The following CASKIN1 variants were observed in gnomAD, a reference collection of about 807,000 sequenced individuals.
CASKIN1 encodes the protein CASK interacting protein 1, also known as caskin-1.
Under a neutral mutation model 117.5 loss-of-function variants are expected in CASKIN1, and 42 were observed. That is an observed-to-expected ratio of 0.36 (90% CI 0.28 to 0.46). The LOEUF is 0.46. Among genes scored for constraint, CASKIN1 ranks in the 20% least tolerant of loss-of-function variants. The pLI, the probability that CASKIN1 is intolerant of heterozygous loss-of-function variation, is 1.00. For synonymous variants in CASKIN1, 1,148 were observed against 961.7 expected (o/e 1.19, Z -3.59); for missense variants, 2,083 against 2,077.3 (o/e 1.00, Z -0.05).
chr16:2,181,956 A>G, intron 16 of CASKIN1, 27 bp from the exon 17 acceptor site: 3 of 1,609,788 alleles, frequency 1.9e-6, no homozygotes, highest in Non-Finnish European at 2.5e-6. Context: ...CAGAGGAGCC[A>G]CCTGGGCTGG....
Position 2,190,311 on chromosome 16 carries a change from C to T in CASKIN1, c.142G>A (p.Asp48Asn). The T allele has an allele frequency of 1.3e-6, 2 of 1,576,266 alleles. No homozygotes were observed. The highest frequency in any genetic ancestry group is 1.7e-6 in the Non-Finnish European group (2 of 1,160,176). Residue 48 changes from aspartate (D) to asparagine (N), a missense_variant, in exon 2 of 20, where the codon GAT (aspartate) becomes AAT (asparagine). Coordinates refer to ENST00000343516, the MANE Select transcript of CASKIN1 (RefSeq NM_020764.4). ...KKINVNFQDP[D>N]GFSALHHAAL... ...ACCACCCGGCTCAGAACTCACCCATCCGGGTCCTGGAAGTTGACATTGATC... is the reference window on the plus strand; with the variant it reads ...ACCACCCGGCTCAGAACTCACCCATTCGGGTCCTGGAAGTTGACATTGATC...
rs115022524 is a variant in CASKIN1, at chr16:2,177,871, C to T, written c.*679G>A. ...GAGCCCCCGGCAGAGCACCCGCCCCCGGGCCCCAGCCTTCCACCTGTGCTA... is the reference window on the plus strand; with the variant it reads ...GAGCCCCCGGCAGAGCACCCGCCCCTGGGCCCCAGCCTTCCACCTGTGCTA... On this transcript the variant is annotated 3_prime_UTR_variant, in exon 20 of 20. Transcript: ENST00000343516. The T allele has an allele frequency of 3.1e-5, 9 of 288,516 alleles. No individual in the cohort carries two copies. The highest frequency in any genetic ancestry group is 1.3e-4 in the African/African-American group (6 of 45,292). The allele number at this position is 288,516 out of a possible 1,614,324, so 17.9% of individuals were successfully genotyped here.
At chr16:2,189,699 G>A in intron 3 of CASKIN1, 135 bp from the exon 4 acceptor site, 2 of 867,768 alleles carry the variant, frequency 2.3e-6, no homozygotes, top group Non-Finnish European at 1.7e-6. Context: ...GCTGACTTCT[G>A]ACACCAAGCC....
chr16:2,182,566 G>C lies in CASKIN1; in HGVS notation c.1630-637C>G, dbSNP rs1003068508. Among the ~76,000 whole-genome samples the C allele has an allele frequency of 3.3e-5, 5 of 152,224 alleles. No individual in the cohort carries two copies. The highest frequency in any genetic ancestry group is 1.2e-4 in the African/African-American group (5 of 41,450). ...CCCCAGGTGCGCGGCAAGGCCCGTG[G>C]GACCCGGACCTGACCCCTAGGAGGA... On this transcript the variant is annotated intron_variant, in intron 16 of 19. Coordinates refer to ENST00000343516, the MANE Select transcript of CASKIN1 (RefSeq NM_020764.4). This position sits in a 1 kb window ranked among gnomAD's most constrained non-coding sequence, Gnocchi z 4.1.
rs772860113 is a variant in CASKIN1 at position 2,181,320 on chromosome 16, G to A, written c.2048C>T (p.Pro683Leu). 1.1e-5 allele frequency: 18 copies of A among 1,605,368 alleles called. No individual in the cohort carries two copies. Among genetic ancestry groups the A allele is most frequent in the South Asian group, 3.3e-5 (3 of 90,630 alleles). Residue 683 changes from proline to leucine, a missense_variant, in exon 18 of 20, where the codon CCA becomes CTA. This residue lies in a region of CASKIN1 where 1,818 missense variants were observed against 1,688.9 expected (regional missense o/e 1.08). Coordinates refer to ENST00000343516, the MANE Select transcript of CASKIN1 (RefSeq NM_020764.4). ...PTTEKPSSHLPPTPRATTRQD... is the reference protein window; with the variant it reads ...PTTEKPSSHLLPTPRATTRQD... Reference sequence around the variant, plus strand: ...CCGCGTGGTGGCCCTCGGGGTGGGTGGCAGGTGGCTGGAGGGCTTCTCAGT... The same window carrying A: ...CCGCGTGGTGGCCCTCGGGGTGGGTAGCAGGTGGCTGGAGGGCTTCTCAGT...
chr16:2,179,187 CGCGCGG>C lies in CASKIN1; in HGVS notation c.3908_3913del (p.Pro1303_Ala1304del). ...CTTGGCGAGGGCGGCGGGCGGCTGT[CGCGCGG>C]GCGAGGGTGCGGGTGAAGGGCCGGC... On this transcript the variant is annotated inframe_deletion, in exon 19 of 20. Transcript: ENST00000343516. This position sits in a 1 kb window ranked among gnomAD's most constrained non-coding sequence, Gnocchi z 5.8. 8.8e-7 allele frequency: 1 copy of C among 1,133,474 alleles called. No homozygotes were observed. The highest frequency in any genetic ancestry group is 1.1e-6 in the Non-Finnish European group (1 of 925,040). 70.2% of individuals were successfully genotyped at this position (1,133,474 alleles called of 1,614,324 possible).
Position 2,178,333 on chromosome 16 carries a change from G to A in CASKIN1, c.*217C>T, listed in dbSNP as rs1018807337. 1.5e-4 allele frequency: 66 copies of A among 449,544 alleles called. No homozygotes were observed. The highest frequency in any genetic ancestry group is 1.4e-3 in the African/African-American group (65 of 47,088). 27.8% of individuals were successfully genotyped at this position (449,544 alleles called of 1,614,324 possible). On this transcript the variant is annotated 3_prime_UTR_variant, in exon 20 of 20. Coordinates refer to ENST00000343516, the MANE Select transcript of CASKIN1 (RefSeq NM_020764.4). ...AGGTATTGCACGGGGAGCAGCAGGT[G>A]GGGAGGACCCGCGGGCGCAGGGTCT...
Position 2,190,290 on chromosome 16 carries a change from C to T in CASKIN1, c.146+17G>A, listed in dbSNP as rs750911061. 18 of 1,576,694 alleles carry T rather than the reference C, an allele frequency of 1.1e-5. No individual in the cohort carries two copies. Among genetic ancestry groups the T allele is most frequent in the Non-Finnish European group, 1.6e-5 (18 of 1,160,688 alleles). Reference sequence around the variant, plus strand: ...CACCCTCCCTTCCAGGCAGGCACCACCCGGCTCAGAACTCACCCATCCGGG... The same window carrying T: ...CACCCTCCCTTCCAGGCAGGCACCATCCGGCTCAGAACTCACCCATCCGGG... On this transcript the variant is annotated intron_variant, in intron 2 of 19. Transcript: ENST00000343516.
chr16:2,180,335 G>A lies in CASKIN1; in HGVS notation c.3033C>T (p.Ser1011=), dbSNP rs373112651. 343 of 1,597,832 alleles carry A rather than the reference G, an allele frequency of 2.1e-4. 1 individual carries two copies. Among genetic ancestry groups the A allele is most frequent in the Admixed American group, 5.0e-5 (3 of 59,540 alleles). Residue 1011 remains serine, a synonymous_variant, in exon 18 of 20, where the codon TCC becomes TCT. Coordinates refer to ENST00000343516, the MANE Select transcript of CASKIN1 (RefSeq NM_020764.4). ...VKSIAAMLEL[S]SIGGGGRAAR... Reference sequence around the variant, plus strand: ...CAGCCCGGCCCCCACCCCCAATGGAGGACAGCTCCAGCATGGCCGCGATGC... The same window carrying A: ...CAGCCCGGCCCCCACCCCCAATGGAAGACAGCTCCAGCATGGCCGCGATGC...
chr16:2,189,497 C>G lies in CASKIN1; in HGVS notation c.312G>C (p.Ala104=). 6.2e-7 allele frequency: 1 copy of G among 1,612,150 alleles called. No individual in the cohort carries two copies. Among genetic ancestry groups the G allele is most frequent in the Non-Finnish European group, 8.5e-7 (1 of 1,179,814 alleles). The part of the protein sequence containing the change: ...RKEPMKLVLK[A]GSAVNIPSDE... ...CAGACGGGATGTTCACGGCCGAGCC[C>G]GCCTTCAGCACCAGCTTCATGGGCT... The change falls in exon 4 of 20, where the codon GCG becomes GCC. Residue 104 remains alanine, a synonymous_variant. Coordinates refer to ENST00000343516, the MANE Select transcript of CASKIN1 (RefSeq NM_020764.4).
At position 2,178,910 on chromosome 16, in the gene CASKIN1, C is replaced by T. The variant is rs2141307829; in HGVS notation, c.4191G>A (p.Gln1397=). The part of the protein sequence containing the change: ...VEEKIRQEDA[Q]GPRDSAAEKS... ...CCCCGCCCCGCACCTACCGCGGGCCCTGCGCGTCCTCCTGCCGGATCTTCT... is the reference window on the plus strand; with the variant it reads ...CCCCGCCCCGCACCTACCGCGGGCCTTGCGCGTCCTCCTGCCGGATCTTCT... Residue 1397 remains glutamine (Q), a synonymous_variant, in exon 19 of 20, where the codon CAG becomes CAA. Transcript: ENST00000343516. The T allele has an allele frequency of 1.4e-6, 2 of 1,474,952 alleles. No individual in the cohort carries two copies. The highest frequency in any genetic ancestry group is 2.9e-5 in the East Asian group (1 of 34,588). 91.4% of individuals were successfully genotyped at this position (1,474,952 alleles called of 1,614,324 possible).
At position 2,196,476 on chromosome 16, in the gene CASKIN1, G is replaced by C; in HGVS notation, c.-44C>G. The C allele has an allele frequency of 9.7e-7, 1 of 1,028,156 alleles. No individual in the cohort carries two copies. The highest frequency in any genetic ancestry group is 4.1e-5 in the South Asian group (1 of 24,526). The allele number at this position is 1,028,156 out of a possible 1,614,324, so 63.7% of individuals were successfully genotyped here. ...GCGACGCGGCTGCGCTCGTGAGCTCGGCGCGGCTCAGAGGCGGCGGCGGCC... is the reference window on the plus strand; with the variant it reads ...GCGACGCGGCTGCGCTCGTGAGCTCCGCGCGGCTCAGAGGCGGCGGCGGCC... On this transcript the variant is annotated 5_prime_UTR_variant, in exon 1 of 20. Coordinates refer to ENST00000343516, the MANE Select transcript of CASKIN1 (RefSeq NM_020764.4). The surrounding 1 kb of genome is among the most constrained non-coding windows in gnomAD (Gnocchi z 5.7).
rs1361140742 is a variant in CASKIN1 at position 2,181,160 on chromosome 16, G to A, written c.2208C>T (p.Gly736=). ...EYLLDEGPAP[G]TPPREARPGR... The stretch of plus-strand genomic sequence containing the variant: ...CGGGCCGGGCCTCCCTGGGCGGGGT[G>A]CCGGGGGCGGGGCCCTCATCCAGGA... Residue 736 remains glycine, a synonymous_variant, in exon 18 of 20, where the codon GGC becomes GGT. Coordinates refer to ENST00000343516, the MANE Select transcript of CASKIN1 (RefSeq NM_020764.4). The A allele has an allele frequency of 4.0e-6, 6 of 1,499,182 alleles. No homozygotes were observed. The Admixed American group carries it at 1.4e-4, about 35-fold the overall frequency. The allele number at this position is 1,499,182 out of a possible 1,614,324, so 92.9% of individuals were successfully genotyped here.
In CASKIN1 at chr16:2,180,290, G is replaced by C; in HGVS notation, c.3078C>G (p.Gly1026=). The C allele has an allele frequency of 6.3e-7, 1 of 1,577,582 alleles. No homozygotes were observed. The highest frequency in any genetic ancestry group is 8.6e-7 in the Non-Finnish European group (1 of 1,165,352). The part of the protein sequence containing the change: ...GGRAARRPPE[G]HPTPRPASPE... ...GGCTGGCAGGGCGGGGAGTGGGGTGGCCCTCAGGAGGCCTGCGGGCAGCCC... is the reference window on the plus strand; with the variant it reads ...GGCTGGCAGGGCGGGGAGTGGGGTGCCCCTCAGGAGGCCTGCGGGCAGCCC... The change falls in exon 18 of 20, where the codon GGC becomes GGG. Residue 1026 remains glycine, a synonymous_variant. Transcript: ENST00000343516.
chr16:2,182,385 G>A lies in CASKIN1; in HGVS notation c.1630-456C>T, dbSNP rs1215958217. On this transcript the variant is annotated intron_variant, in intron 16 of 19. Transcript: ENST00000343516. This position sits in a 1 kb window ranked among gnomAD's most constrained non-coding sequence, Gnocchi z 4.1. ...ACTCTGACCTCTCACCCACATCACAGGGCCACACACATGCCACACAGCCAC... is the reference window on the plus strand; with the variant it reads ...ACTCTGACCTCTCACCCACATCACAAGGCCACACACATGCCACACAGCCAC... 1.3e-5 allele frequency among the ~76,000 whole-genome samples: 2 copies of A among 151,776 alleles called. No individual in the cohort carries two copies. The highest frequency in any genetic ancestry group is 4.8e-5 in the African/African-American group (2 of 41,248).
Position 2,178,954 on chromosome 16 carries a change from C to A in CASKIN1, c.4147G>T (p.Ala1383Ser). 6.7e-7 allele frequency: 1 copy of A among 1,487,986 alleles called. No individual in the cohort carries two copies. The highest frequency in any genetic ancestry group is 8.9e-7 in the Non-Finnish European group (1 of 1,128,068). 92.2% of individuals were successfully genotyped at this position (1,487,986 alleles called of 1,614,324 possible). A position where few individuals can be genotyped will look rare whatever the true frequency, so the allele number is the denominator to read the frequency against. The change falls in exon 19 of 20, where the codon GCG (alanine) becomes TCG (serine). Residue 1383 changes from alanine to serine, a missense_variant. Ala to Ser is a moderately conservative substitution (Grantham distance 99). Transcript: ENST00000343516. Reference protein sequence around the residue: ...LEETSACLAAALQAVEEKIRQ... With the variant: ...LEETSACLAASLQAVEEKIRQ... ...ATCTTCTCCTCCACCGCCTGCAGCG[C>A]CGCGGCCAGGCACGCGCTTGTCTCC...
rs1217075435 is a variant in CASKIN1 at position 2,185,181 on chromosome 16, C to T, written c.1169G>A (p.Ser390Asn). ...CCGGCCGCCAGCCATGCCGCTAATG[C>T]TGCCGCTTCGGTCCCCACCTGCCAG... Reference protein sequence around the residue: ...KPFAGGDRSGSISGMAGGRGS... With the variant: ...KPFAGGDRSGNISGMAGGRGS... Residue 390 changes from serine to asparagine, a missense_variant, in exon 12 of 20, where the codon AGC becomes AAC. Physicochemically the swap from Ser to Asn is conservative, Grantham distance 46. This residue lies in a region of CASKIN1 where 1,818 missense variants were observed against 1,688.9 expected (regional missense o/e 1.08). Transcript: ENST00000343516. 6.8e-6 allele frequency: 11 copies of T among 1,610,614 alleles called. No individual in the cohort carries two copies. Among genetic ancestry groups the T allele is most frequent in the Non-Finnish European group, 7.6e-6 (9 of 1,179,504 alleles).
At position 2,181,325 on chromosome 16, in the gene CASKIN1, G is replaced by A. The variant is rs1195992929; in HGVS notation, c.2043C>T (p.His681=). Residue 681 remains histidine (H), a synonymous_variant, in exon 18 of 20, where the codon CAC becomes CAT. Coordinates refer to ENST00000343516, the MANE Select transcript of CASKIN1 (RefSeq NM_020764.4). ...TGGTGGCCCTCGGGGTGGGTGGCAG[G>A]TGGCTGGAGGGCTTCTCAGTGGTGG... ...VGPTTEKPSS[H]LPPTPRATTR... 2 of 1,605,718 alleles carry A rather than the reference G, an allele frequency of 1.2e-6. No individual in the cohort carries two copies. Among genetic ancestry groups the A allele is most frequent in the Non-Finnish European group, 1.7e-6 (2 of 1,178,672 alleles).
Position 2,185,253 on chromosome 16 carries a change from C to A in CASKIN1, c.1150+54G>T. On this transcript the variant is annotated intron_variant, in intron 11 of 19. Transcript: ENST00000343516. ...CAGTGCCGGCCCCTGCCTGGCCCCA[C>A]GGTGGTGCCTTGTGGAAGTCCTGCC... The A allele has an allele frequency of 2.5e-6, 4 of 1,602,170 alleles. No individual in the cohort carries two copies. In the East Asian group the frequency reaches 6.7e-5, roughly 27 times the overall value.
Sources: gnomAD v4.1 joint callset for allele counts (sites outside exome capture counted in the v4.1 genomes callset) on GRCh38, gnomAD v4.1.1 for gene constraint, gnomAD v4.1.1 regional missense constraint, Gnocchi (gnomAD v3.1) non-coding constraint, MANE v1.5 for transcripts, NCBI Gene and HGNC (gene_info 2026-07-23, HGNC 2026-07-21) for gene names.